The following MINK1 variants were observed in gnomAD, a reference collection of about 807,000 sequenced individuals.
MINK1 encodes the protein misshapen like kinase 1, also known as misshapen-like kinase 1.
MINK1 carries 46 observed loss-of-function variants against 178.4 expected under a neutral mutation model. The observed-to-expected ratio is 0.26, with a 90% CI of 0.20 to 0.33. MINK1 has a LOEUF of 0.33. MINK1 is among the 10% of genes least tolerant of loss of function. The pLI is 1.00. For missense variants in MINK1, 1,366 were observed against 1,814.9 expected, an observed-to-expected ratio of 0.75 and a Z score of 4.49; for synonymous variants, 797 against 709.7, an observed-to-expected ratio of 1.12 and a Z score of -1.96.
At position 4,896,844 on chromosome 17, in the gene MINK1, C is replaced by T. The variant is rs781173192; in HGVS notation, c.3915+31C>T. 1.3e-6 allele frequency: 2 copies of T among 1,535,544 alleles called. No homozygotes were observed. The highest frequency in any genetic ancestry group is 1.3e-5 in the South Asian group (1 of 77,488). ...AGGCTCCTTCCCTCTGAAAGCCCTGCTGTCCCGGCTGCCATGACCCTAGGC... is the reference window on the plus strand; with the variant it reads ...AGGCTCCTTCCCTCTGAAAGCCCTGTTGTCCCGGCTGCCATGACCCTAGGC... On this transcript the variant is annotated intron_variant, in intron 31 of 31. Coordinates refer to ENST00000355280, the MANE Select transcript of MINK1 (RefSeq NM_153827.5). This position sits in a 1 kb window ranked among gnomAD's most constrained non-coding sequence, Gnocchi z 4.6.
Position 4,885,456 on chromosome 17 carries a change from C to G in MINK1, c.509-27C>G. On this transcript the variant is annotated intron_variant, in intron 6 of 31. Coordinates refer to ENST00000355280, the MANE Select transcript of MINK1 (RefSeq NM_153827.5). This position sits in a 1 kb window ranked among gnomAD's most constrained non-coding sequence, Gnocchi z 5.0. ...AAGGGAGCAGAGGTGACTCCCCACA[C>G]TGACCCCTCCCTCTGTGTCTTCACA... 6.2e-7 allele frequency: 1 copy of G among 1,611,776 alleles called. No individual in the cohort carries two copies. The highest frequency in any genetic ancestry group is 1.1e-5 in the South Asian group (1 of 90,792).
rs1421820837 is a variant in MINK1, at chr17:4,897,746, T to G, written c.*459T>G. On this transcript the variant is annotated 3_prime_UTR_variant, in exon 32 of 32. Transcript: ENST00000355280. Reference sequence around the variant, plus strand: ...AGATTTTTGGGGGGTCACCAGCCACTCCAGGGGCAGGGACCATTTCTTCAT... The same window carrying G: ...AGATTTTTGGGGGGTCACCAGCCACGCCAGGGGCAGGGACCATTTCTTCAT... 6.5e-6 allele frequency: 1 copy of G among 154,254 alleles called. No homozygotes were observed. Among genetic ancestry groups the G allele is most frequent in the Admixed American group, 6.5e-5 (1 of 15,310 alleles). 9.6% of individuals were successfully genotyped at this position (154,254 alleles called of 1,614,324 possible).
At chr17:4,839,153 C>T (rs1410104784) in intron 1 of MINK1, among the ~76,000 whole-genome samples, 1 of 152,150 alleles carries the variant, frequency 6.6e-6, no homozygotes, top group African/African-American at 2.4e-5. Flanking sequence ...CCGTGTTAGC[C>T]AGGATGGTCT....
At chr17:4,871,123 C>A in intron 1 of MINK1, 1 of 289,744 alleles carries the variant, frequency 3.5e-6, no homozygotes, top group Non-Finnish European at 7.5e-6. Context: ...CTTCAAGGTT[C>A]ATCCATGTTG....
rs752334893 is a variant in MINK1 at position 4,896,015 on chromosome 17, G to A, written c.3377G>A (p.Arg1126Gln). ...CTCCCGCCCCCAGTGAAATACGAGC[G>A]GATTAAGTTCCTGGTCATCGCCCTC... Reference protein sequence around the residue: ...CGHYRVVKYERIKFLVIALKS... With the variant: ...CGHYRVVKYEQIKFLVIALKS... The change falls in exon 28 of 32, where the codon CGG becomes CAG. Residue 1126 changes from arginine to glutamine, a missense_variant. Around this residue, in one of 14 missense-constraint regions of MINK1, gnomAD observed 77 missense variants for 119.5 expected, o/e 0.64. Coordinates refer to ENST00000355280, the MANE Select transcript of MINK1 (RefSeq NM_153827.5). This position sits in a 1 kb window ranked among gnomAD's most constrained non-coding sequence, Gnocchi z 4.6. 3 of 1,599,048 alleles carry A rather than the reference G, an allele frequency of 1.9e-6. No homozygotes were observed. The highest frequency in any genetic ancestry group is 2.6e-6 in the Non-Finnish European group (3 of 1,172,792).
chr17:4,896,776 C>T lies in MINK1; in HGVS notation c.3878C>T (p.Ala1293Val). 6.3e-7 allele frequency: 1 copy of T among 1,586,144 alleles called. No homozygotes were observed. Residue 1293 changes from alanine to valine, a missense_variant, in exon 31 of 32, where the codon GCT becomes GTT. Transcript: ENST00000355280. This position sits in a 1 kb window ranked among gnomAD's most constrained non-coding sequence, Gnocchi z 4.6. ...GACGGGGTCTTCATGCACAAACGAG[C>T]TCAGAGGCTCAAGTTCCTGTGTGAG... ...HLDGVFMHKR[A>V]QRLKFLCERN...
At chr17:4,847,498 C>T (rs1911228544) in intron 1 of MINK1, among the ~76,000 whole-genome samples, 1 of 152,182 alleles carries the variant, frequency 6.6e-6, no homozygotes, top group Non-Finnish European at 1.5e-5. Context: ...ATAGGATTCC[C>T]TAAGATCCCT....
Position 4,893,238 on chromosome 17 carries a change from TC to T in MINK1, c.2400+172del, listed in dbSNP as rs1567620177. ...CTTTCCTAACCTCTCTCCTAACCTCTCTCCTAACCTCTCTTCTGGCTCTTTC... is the reference window on the plus strand; with the variant it reads ...CTTTCCTAACCTCTCTCCTAACCTCTTCCTAACCTCTCTTCTGGCTCTTTC... On this transcript the variant is annotated intron_variant, in intron 20 of 31. Coordinates refer to ENST00000355280, the MANE Select transcript of MINK1 (RefSeq NM_153827.5). 11 of 1,611,332 alleles carry T rather than the reference TC, an allele frequency of 6.8e-6. No individual in the cohort carries two copies. The African/African-American group carries it at 1.1e-4, about 16-fold the overall frequency.
chr17:4,862,755 G>A (rs1047123501), intron 1 of MINK1, among the ~76,000 whole-genome samples: 3 of 152,162 alleles, frequency 2.0e-5, no homozygotes, highest in Non-Finnish European at 2.9e-5. Context: ...CTTCTTGGAA[G>A]GGCGTGTGGC....
At chr17:4,839,404 T>C (rs991840625) in intron 1 of MINK1, among the ~76,000 whole-genome samples, 1 of 152,230 alleles carries the variant, frequency 6.6e-6, no homozygotes, top group African/African-American at 2.4e-5. Flanking sequence ...CTTCGACACC[T>C]ACTTTTTACT....
chr17:4,852,017 A>C (rs984585839), intron 1 of MINK1, among the ~76,000 whole-genome samples: 3 of 151,460 alleles, frequency 2.0e-5, no homozygotes, highest in Non-Finnish European at 2.9e-5. Flanking sequence ...AAAAAAAAAA[A>C]AAAAAAAAAA....
At chr17:4,841,212 G>T (rs764461920) in intron 1 of MINK1, among the ~76,000 whole-genome samples, 2 of 152,110 alleles carry the variant, frequency 1.3e-5, no homozygotes, top group Non-Finnish European at 2.9e-5. Flanking sequence ...GGGCATCTCC[G>T]CACGGGCACT....
rs76730893 is a variant in MINK1 at position 4,836,900 on chromosome 17, G to A, written c.57+3260G>A. On this transcript the variant is annotated intron_variant, in intron 1 of 31. Coordinates refer to ENST00000355280, the MANE Select transcript of MINK1 (RefSeq NM_153827.5). This position sits in a 1 kb window ranked among gnomAD's most constrained non-coding sequence, Gnocchi z 4.3. ...CCACTAAAATGTCAGTTCAGTGGCCGGGTGTGGTAGCTCACGACCGTAATC... is the reference window on the plus strand; with the variant it reads ...CCACTAAAATGTCAGTTCAGTGGCCAGGTGTGGTAGCTCACGACCGTAATC... Among the ~76,000 whole-genome samples, 1,850 of 152,114 alleles carry A rather than the reference G, an allele frequency of 0.012. 23 individuals carry two copies. The highest frequency in any genetic ancestry group is 0.065 in the East Asian group (335 of 5,174).
intron 1 of MINK1, among the ~76,000 whole-genome samples, chr17:4,853,906 C>G (rs1414131083): frequency 1.3e-5 from 2 of 152,102 alleles, no homozygotes; most frequent in African/African-American, 4.8e-5. Flanking sequence ...GATACTCCAG[C>G]TGGGGATAGG....
In MINK1 at chr17:4,894,563, C is replaced by G. The variant is rs1382978184; in HGVS notation, c.2847C>G (p.Ser949Arg). The G allele has an allele frequency of 1.2e-6, 2 of 1,608,618 alleles. No homozygotes were observed. The change falls in exon 24 of 32, where the codon AGC (serine) becomes AGG (arginine). Residue 949 changes from serine to arginine, a missense_variant. By Grantham distance (110) the Ser-to-Arg change is moderately radical. Around this residue, in one of 14 missense-constraint regions of MINK1, gnomAD observed 709 missense variants for 692.3 expected, o/e 1.02. Transcript: ENST00000355280. This position sits in a 1 kb window ranked among gnomAD's most constrained non-coding sequence, Gnocchi z 4.1. Reference sequence around the variant, plus strand: ...GGCTGGTAAAGGCCCCTGGCAAGAGCTCGTTCACGATGTTTGTGGATCTAG... The same window carrying G: ...GGCTGGTAAAGGCCCCTGGCAAGAGGTCGTTCACGATGTTTGTGGATCTAG... ...SRGLVKAPGK[S>R]SFTMFVDLGI...
At position 4,885,873 on chromosome 17, in the gene MINK1, T is replaced by G; in HGVS notation, c.640-38T>G. 2 of 1,608,150 alleles carry G rather than the reference T, an allele frequency of 1.2e-6. No homozygotes were observed. Among genetic ancestry groups the G allele is most frequent in the Non-Finnish European group, 8.5e-7 (1 of 1,175,332 alleles). The stretch of plus-strand genomic sequence containing the variant: ...GAAGAGAGGTTGCAGGGCAGAGTTG[T>G]CAGGAATATTCACTTGTTCCTTCTT... On this transcript the variant is annotated intron_variant, in intron 7 of 31. Transcript: ENST00000355280. This position sits in a 1 kb window ranked among gnomAD's most constrained non-coding sequence, Gnocchi z 5.0.
In MINK1 at chr17:4,887,215, C is replaced by A; in HGVS notation, c.1019+36C>A. 1 of 1,560,772 alleles carries A rather than the reference C, an allele frequency of 6.4e-7. No individual in the cohort carries two copies. The highest frequency in any genetic ancestry group is 8.7e-7 in the Non-Finnish European group (1 of 1,149,026). ...CAGGTGGAGTGGGGGTTGGGGCGGT[C>A]ATCGCTGAGTGGGGGGACTACAGTG... On this transcript the variant is annotated intron_variant, in intron 11 of 31. Coordinates refer to ENST00000355280, the MANE Select transcript of MINK1 (RefSeq NM_153827.5). This position sits in a 1 kb window ranked among gnomAD's most constrained non-coding sequence, Gnocchi z 7.6.
intron 1 of MINK1, chr17:4,868,833 T>C (rs567381095): frequency 8.7e-5 from 30 of 345,318 alleles, no homozygotes; most frequent in African/African-American, 6.6e-4. Context: ...GCATGCAGCC[T>C]CAACCTCCCA....
chr17:4,857,278 C>A, intron 1 of MINK1: 1 of 201,988 alleles, frequency 5.0e-6, no homozygotes, highest in Non-Finnish European at 1.0e-5. Flanking sequence ...CCATTCTTGG[C>A]CATGCCACAG....
Sources: gnomAD v4.1 joint callset for allele counts (sites outside exome capture counted in the v4.1 genomes callset) on GRCh38, gnomAD v4.1.1 for gene constraint, gnomAD v4.1.1 regional missense constraint, Gnocchi (gnomAD v3.1) non-coding constraint, MANE v1.5 for transcripts, NCBI Gene and HGNC (gene_info 2026-07-23, HGNC 2026-07-21) for gene names.